WWOX: variants seen among roughly 807,000 people sequenced by gnomAD.
WWOX encodes WW domain containing oxidoreductase, also known as WW domain-containing oxidoreductase.
Under a neutral mutation model 46.2 loss-of-function variants are expected in WWOX, and 69 were observed. The ratio of observed to expected loss-of-function variants is 1.49; its 90% CI spans 1.23 to 1.82. WWOX has a LOEUF of 1.82. Among genes scored for constraint, WWOX ranks in the 40% most tolerant of loss-of-function variants. The pLI is 0.00. For synonymous variants in WWOX, 359 were observed against 202.6 expected (o/e 1.77, Z -6.56); for missense variants, 919 against 542.6 (o/e 1.69, Z -6.89).
chr16:78,314,033 C>T (rs770384419), intron 5 of WWOX, among the ~76,000 whole-genome samples: 2 of 152,136 alleles, frequency 1.3e-5, no homozygotes, highest in Non-Finnish European at 2.9e-5. Flanking sequence ...GTGCCTCACA[C>T]ATCTATAAAA....
chr16:78,199,336 CA>C (rs2036158441), intron 5 of WWOX, among the ~76,000 whole-genome samples: 1 of 151,818 alleles, frequency 6.6e-6, no homozygotes, highest in South Asian at 2.1e-4. Context: ...AACAAACAAA[CA>C]AACAAACTAA....
At chr16:78,823,492 G>A (rs1291123580) in intron 8 of WWOX, among the ~76,000 whole-genome samples, 4 of 152,186 alleles carry the variant, frequency 2.6e-5, no homozygotes, top group African/African-American at 9.6e-5. Context: ...ATCTCAGGAT[G>A]CTGCAAAACG....
chr16:79,010,164 C>G (rs141612406), intron 8 of WWOX, among the ~76,000 whole-genome samples: 1 of 152,244 alleles, frequency 6.6e-6, no homozygotes, highest in African/African-American at 2.4e-5. Context: ...ACCCATGAAA[C>G]AAGTGTTTAT....
chr16:78,300,453 AG>A (rs1245615377), intron 5 of WWOX, among the ~76,000 whole-genome samples: 1 of 151,942 alleles, frequency 6.6e-6, no homozygotes, highest in Non-Finnish European at 1.5e-5. Flanking sequence ...CTCTAATCTC[AG>A]GAGTGAGTGA....
intron 8 of WWOX, among the ~76,000 whole-genome samples, chr16:78,928,885 G>C (rs1393315880): frequency 1.3e-5 from 2 of 152,122 alleles, no homozygotes; most frequent in South Asian, 2.1e-4. Context: ...CTTCCTTCGA[G>C]TTAAATTTAC....
intron 8 of WWOX, among the ~76,000 whole-genome samples, chr16:78,894,998 T>G (rs996615191): frequency 2.6e-5 from 4 of 152,124 alleles, no homozygotes; most frequent in Admixed American, 2.6e-4. Context: ...AAGCTGGAGA[T>G]CCCATCATGC....
intron 8 of WWOX, among the ~76,000 whole-genome samples, chr16:79,031,925 T>TAC (rs1238095927): frequency 1.5e-5 from 1 of 68,574 alleles, no homozygotes. Flanking sequence ...TCTATATATA[T>TAC]AGATATCTGT....
At chr16:78,218,548 C>CA (rs2036794305) in intron 5 of WWOX, among the ~76,000 whole-genome samples, 2 of 152,098 alleles carry the variant, frequency 1.3e-5, no homozygotes, top group African/African-American at 4.8e-5. Flanking sequence ...AATTTACCGC[C>CA]AACCCACAGG....
chr16:78,950,006 T>A (rs2046026173), intron 8 of WWOX, among the ~76,000 whole-genome samples: 1 of 152,246 alleles, frequency 6.6e-6, no homozygotes, highest in Non-Finnish European at 1.5e-5. Context: ...ATGAGAGGAC[T>A]GAGGCTTGTA....
At chr16:79,163,462 C>A (rs1335868636) in intron 8 of WWOX, among the ~76,000 whole-genome samples, 1 of 152,164 alleles carries the variant, frequency 6.6e-6, no homozygotes, top group Non-Finnish European at 1.5e-5. Flanking sequence ...AAACTTTGGA[C>A]AGTGCCTTGC....
At position 78,828,313 on chromosome 16, in the gene WWOX, A is replaced by G. The variant is rs113692055; in HGVS notation, c.1057-383295A>G. On this transcript the variant is annotated intron_variant, in intron 8 of 8. Coordinates refer to ENST00000566780, the MANE Select transcript of WWOX (RefSeq NM_016373.4). ...GGACCTGGGTGTTAATCCAGGGGCC[A>G]GGCAAAAACTGGGGGATGCAGAATA... Among the ~76,000 whole-genome samples the G allele has an allele frequency of 1.8e-3, 269 of 152,244 alleles. 2 individuals are homozygous for G. Among genetic ancestry groups the G allele is most frequent in the African/African-American group, 6.2e-3 (256 of 41,524 alleles).
intron 8 of WWOX, among the ~76,000 whole-genome samples, chr16:78,971,508 T>A (rs1488268183): frequency 6.8e-6 from 1 of 147,832 alleles, no homozygotes; most frequent in East Asian, 2.0e-4. Flanking sequence ...GTGTCGTAGG[T>A]CATGTATCTA....
chr16:78,508,773 G>T (rs139516039), intron 8 of WWOX, among the ~76,000 whole-genome samples: 1 of 152,184 alleles, frequency 6.6e-6, no homozygotes, highest in African/African-American at 2.4e-5. Flanking sequence ...GCCTGCAGCC[G>T]ATGTCTCTCC....
At chr16:79,069,895 C>G (rs1169956730) in intron 8 of WWOX, among the ~76,000 whole-genome samples, 1 of 152,120 alleles carries the variant, frequency 6.6e-6, no homozygotes, top group African/African-American at 2.4e-5. Flanking sequence ...CACCTTGTTT[C>G]AAATTTTTTC....
At chr16:78,906,073 G>C (rs2151248391) in intron 8 of WWOX, among the ~76,000 whole-genome samples, 1 of 152,290 alleles carries the variant, frequency 6.6e-6, no homozygotes, top group African/African-American at 2.4e-5. Flanking sequence ...ACAGTATTTT[G>C]TCTTCTTGGT....
chr16:79,150,028 C>G (rs2050248301), intron 8 of WWOX, among the ~76,000 whole-genome samples: 2 of 152,170 alleles, frequency 1.3e-5, no homozygotes, highest in Non-Finnish European at 1.5e-5. Context: ...GAAGGAAATG[C>G]TTTTCTGGTC....
chr16:78,873,231 T>C lies in WWOX; in HGVS notation c.1057-338377T>C, dbSNP rs1221105373. 14 of 152,234 alleles carry C rather than the reference T, an allele frequency of 9.2e-5. No homozygotes were observed. The South Asian group carries it at 1.0e-3, about 11-fold the overall frequency. The allele number at this position is 152,234 out of a possible 1,614,324, so 9.4% of individuals were successfully genotyped here. A position where few individuals can be genotyped will look rare whatever the true frequency, so the allele number is the denominator to read the frequency against. On this transcript the variant is annotated intron_variant, in intron 8 of 8. Coordinates refer to ENST00000566780, the MANE Select transcript of WWOX (RefSeq NM_016373.4). ...CTTTTCTGCATGTAATTATGCTTGA[T>C]AAAAAAAGTTTAAAAATTTGTTTTA...
chr16:78,711,663 G>A (rs2048447092), intron 8 of WWOX, among the ~76,000 whole-genome samples: 1 of 152,120 alleles, frequency 6.6e-6, no homozygotes, highest in Non-Finnish European at 1.5e-5. Flanking sequence ...GAGACGAACA[G>A]GCCAAATGAA....
rs191546943 is a variant in WWOX at position 79,022,118 on chromosome 16, G to A, written c.1057-189490G>A. The stretch of plus-strand genomic sequence containing the variant: ...GAGGAAACCATGAGTGCAGAGGCAC[G>A]TAGGCCTGAAACAGGCCAGAAAGCA... On this transcript the variant is annotated intron_variant, in intron 8 of 8. Transcript: ENST00000566780. Among the ~76,000 whole-genome samples the A allele has an allele frequency of 4.5e-4, 69 of 152,300 alleles. No individual in the cohort carries two copies. In the East Asian group the frequency reaches 0.01, roughly 23 times the overall value.
Sources: gnomAD v4.1 joint callset for allele counts (sites outside exome capture counted in the v4.1 genomes callset) on GRCh38, gnomAD v4.1.1 for gene constraint, MANE v1.5 for transcripts, NCBI Gene and HGNC (gene_info 2026-07-23, HGNC 2026-07-21) for gene names.